Variants in ATF6 observed in about 807,000 individuals in gnomAD.
The protein encoded by ATF6 is activating transcription factor 6.
Under a neutral mutation model 83.6 loss-of-function variants are expected in ATF6, and 53 were observed. That is an observed-to-expected ratio of 0.63 (90% CI 0.51 to 0.80). The LOEUF (loss-of-function observed/expected upper bound fraction) is 0.80, where lower values mean the gene tolerates loss of function less well. Ranked by LOEUF, ATF6 falls within the 30% of genes least tolerant of loss-of-function variation. The probability of loss-of-function intolerance (pLI) is 0.00; values close to 1 mark genes in which losing one functional copy is unlikely to be tolerated. For missense variants in ATF6, 744 were observed against 797.9 expected, an observed-to-expected ratio of 0.93 and a Z score of 0.81; for synonymous variants, 288 against 285.8, an observed-to-expected ratio of 1.01 and a Z score of -0.08.
intron 14 of ATF6, among the ~76,000 whole-genome samples, chr1:161,908,509 G>A (rs946331385): frequency 1.3e-5 from 2 of 152,090 alleles, no homozygotes; most frequent in Non-Finnish European, 2.9e-5. Flanking sequence ...ATGGTGAAAT[G>A]TTTTGATGTT....
chr1:161,788,649 C>T (rs1292151839), intron 4 of ATF6, among the ~76,000 whole-genome samples: 2 of 151,692 alleles, frequency 1.3e-5, no homozygotes, highest in African/African-American at 4.8e-5. Flanking sequence ...TCTGCATTTT[C>T]TTTTATTAAC....
intron 7 of ATF6, among the ~76,000 whole-genome samples, chr1:161,816,879 G>T (rs1369530317): frequency 4.6e-5 from 7 of 152,096 alleles, no homozygotes; most frequent in African/African-American, 1.7e-4. Context: ...TGCCTAGGAA[G>T]TATTGAATAA....
At chr1:161,942,451 T>C (rs1688665854) in intron 15 of ATF6, among the ~76,000 whole-genome samples, 1 of 152,154 alleles carries the variant, frequency 6.6e-6, no homozygotes, top group Non-Finnish European at 1.5e-5. Flanking sequence ...GTACAGTACT[T>C]GACATTATTA....
intron 9 of ATF6, among the ~76,000 whole-genome samples, chr1:161,833,418 G>T (rs913460129): frequency 1.3e-5 from 2 of 152,158 alleles, no homozygotes; most frequent in African/African-American, 4.8e-5. Context: ...TGACTTTGAC[G>T]AGTTGAGAGA....
chr1:161,943,513 G>T (rs998053104), intron 15 of ATF6, among the ~76,000 whole-genome samples: 1 of 152,124 alleles, frequency 6.6e-6, no homozygotes, highest in Non-Finnish European at 1.5e-5. Context: ...AGAGTGGTCC[G>T]CTGGTTTCCT....
intron 9 of ATF6, among the ~76,000 whole-genome samples, chr1:161,844,720 C>T (rs958154600): frequency 1.3e-5 from 2 of 151,388 alleles, no homozygotes; most frequent in African/African-American, 4.8e-5. Flanking sequence ...AAAGTAAACA[C>T]TTTTTTTTTA....
chr1:161,794,658 A>G (rs1320176961), intron 6 of ATF6, among the ~76,000 whole-genome samples: 1 of 152,116 alleles, frequency 6.6e-6, no homozygotes, highest in Non-Finnish European at 1.5e-5. Flanking sequence ...TTTTCTATAA[A>G]TCCCTTCTTC....
At chr1:161,957,544 G>A (rs1179784273) in intron 15 of ATF6, among the ~76,000 whole-genome samples, 1 of 152,058 alleles carries the variant, frequency 6.6e-6, no homozygotes, top group Non-Finnish European at 1.5e-5. Flanking sequence ...ACAAATCAGG[G>A]AGTAATTTGG....
rs1311938473 is a variant in ATF6 at position 161,962,562 on chromosome 1, C to T, written c.*3908C>T. On this transcript the variant is annotated 3_prime_UTR_variant, in exon 16 of 16. Coordinates refer to ENST00000367942, the MANE Select transcript of ATF6 (RefSeq NM_007348.4). ...TATAATTGTATTTGACTTTCTAACA[C>T]ATTGCAAAGTTTCAAAGTGACTTTC... The T allele has an allele frequency of 2.0e-5, 3 of 152,222 alleles. No homozygotes were observed. Among genetic ancestry groups the T allele is most frequent in the Non-Finnish European group, 4.4e-5 (3 of 68,038 alleles). The allele number at this position is 152,222 out of a possible 1,614,324, so 9.4% of individuals were successfully genotyped here.
intron 9 of ATF6, among the ~76,000 whole-genome samples, chr1:161,839,823 T>C (rs990269985): frequency 3.3e-5 from 5 of 152,142 alleles, no homozygotes; most frequent in African/African-American, 1.2e-4. Context: ...GGTGGAAATG[T>C]GTCTTGCATG....
At chr1:161,769,773 C>T (rs1684342631) in intron 1 of ATF6, among the ~76,000 whole-genome samples, 1 of 152,016 alleles carries the variant, frequency 6.6e-6, no homozygotes, top group Non-Finnish European at 1.5e-5. Context: ...CTAGATCCCT[C>T]ACATGTGCAG....
chr1:161,895,675 G>T (rs1687656825), intron 14 of ATF6, among the ~76,000 whole-genome samples: 1 of 152,098 alleles, frequency 6.6e-6, no homozygotes, highest in South Asian at 2.1e-4. Flanking sequence ...TTTAGAATAG[G>T]GTTTTACTCT....
At chr1:161,866,493 T>G (rs1687003020) in intron 14 of ATF6, among the ~76,000 whole-genome samples, 1 of 152,228 alleles carries the variant, frequency 6.6e-6, no homozygotes, top group Admixed American at 6.5e-5. Context: ...CTTCTGTTCT[T>G]TTGACTCTCC....
chr1:161,854,431 A>G (rs1472765034), intron 12 of ATF6, among the ~76,000 whole-genome samples: 1 of 152,232 alleles, frequency 6.6e-6, no homozygotes, highest in Non-Finnish European at 1.5e-5. Context: ...GCCAATGTTT[A>G]GTTGGCTAAA....
chr1:161,822,304 T>C (rs1685784093), intron 9 of ATF6, among the ~76,000 whole-genome samples: 1 of 152,048 alleles, frequency 6.6e-6, no homozygotes, highest in East Asian at 1.9e-4. Flanking sequence ...ACTCACAGCA[T>C]ATTAGGGGCA....
intron 15 of ATF6, among the ~76,000 whole-genome samples, chr1:161,913,381 A>G (rs963884275): frequency 6.6e-6 from 1 of 152,230 alleles, no homozygotes; most frequent in South Asian, 2.1e-4. Context: ...GGGATTCCAG[A>G]TAAGTTTCAA....
At chr1:161,768,310 T>C (rs1293837412) in intron 1 of ATF6, among the ~76,000 whole-genome samples, 1 of 152,246 alleles carries the variant, frequency 6.6e-6, no homozygotes, top group Non-Finnish European at 1.5e-5. Flanking sequence ...GTTCACCGAC[T>C]CACTTCTATC....
At chr1:161,874,480 A>G (rs902752129) in intron 14 of ATF6, among the ~76,000 whole-genome samples, 1 of 151,682 alleles carries the variant, frequency 6.6e-6, no homozygotes, top group Non-Finnish European at 1.5e-5. Context: ...ATTAAAATAT[A>G]TCATACAGAA....
chr1:161,883,233 AAG>A (rs1687355648), intron 14 of ATF6, among the ~76,000 whole-genome samples: 1 of 152,026 alleles, frequency 6.6e-6, no homozygotes, highest in Non-Finnish European at 1.5e-5. Context: ...TTTGTGGGGA[AAG>A]AGAATCAGAA....
Sources: allele counts gnomAD v4.1 joint callset (sites outside exome capture counted in the v4.1 genomes callset), GRCh38; gene constraint gnomAD v4.1.1; transcripts MANE v1.5; gene names NCBI Gene and HGNC (gene_info 2026-07-23, HGNC 2026-07-21).